Variants in FANCI observed in about 807,000 individuals in gnomAD.
FANCI encodes the protein Fanconi anemia group I protein.
In FANCI, 156 loss-of-function variants were observed where a neutral mutation model predicts 176.1. That is an observed-to-expected ratio of 0.89 (90% CI 0.78 to 1.01). The LOEUF is 1.01. Ranked by LOEUF, FANCI falls within the 50% of genes least tolerant of loss-of-function variation. The pLI is 0.00. For missense variants in FANCI, 1,678 were observed against 1,534.1 expected (o/e 1.09, Z -1.57); for synonymous variants, 613 against 541.7 (o/e 1.13, Z -1.83).
chr15:89,279,854 C>T (rs957497903), intron 14 of FANCI, among the ~76,000 whole-genome samples: 1 of 152,130 alleles, frequency 6.6e-6, no homozygotes, highest in African/African-American at 2.4e-5. Context: ...AATTCCTATT[C>T]TTACTACCTT....
intron 34 of FANCI, among the ~76,000 whole-genome samples, chr15:89,310,518 C>G (rs1212738534): frequency 1.3e-5 from 2 of 152,208 alleles, no homozygotes; most frequent in Non-Finnish European, 2.9e-5. Flanking sequence ...GCATTTTCCT[C>G]CTCCTCCATC....
chr15:89,293,170 C>T, intron 22 of FANCI, 107 bp downstream of exon 22: 1 of 1,227,508 alleles, frequency 8.1e-7, no homozygotes, highest in Non-Finnish European at 1.2e-6. Flanking sequence ...CAGACGATGA[C>T]ACTGTCTCTT....
At chr15:89,252,939 A>G (rs749414678) in intron 2 of FANCI, among the ~76,000 whole-genome samples, 3 of 152,238 alleles carry the variant, frequency 2.0e-5, no homozygotes, top group Non-Finnish European at 4.4e-5. Context: ...TGAGCTATAT[A>G]TATAAGTTGA....
intron 32 of FANCI, 125 bp from the exon 33 acceptor site, chr15:89,307,351 C>A: frequency 1.1e-6 from 1 of 897,384 alleles, no homozygotes; most frequent in Non-Finnish European, 1.8e-6. Context: ...TGTGTCTTGG[C>A]TTCTCTGTGA....
In FANCI at chr15:89,304,556, A is replaced by C. The variant is rs1222369815; in HGVS notation, c.3059-559A>C. 4.6e-5 allele frequency among the ~76,000 whole-genome samples: 7 copies of C among 152,190 alleles called. No individual in the cohort carries two copies. In the East Asian group the frequency reaches 1.3e-3, roughly 29 times the overall value. Reference sequence around the variant, plus strand: ...AATACTCGTAATGTACTTGATCTGGATGCTAGTTACACAGTAATCTTAACT... The same window carrying C: ...AATACTCGTAATGTACTTGATCTGGCTGCTAGTTACACAGTAATCTTAACT... On this transcript the variant is annotated intron_variant, in intron 28 of 37. Transcript: ENST00000310775.
At chr15:89,253,731 T>C (rs1192600813) in intron 2 of FANCI, among the ~76,000 whole-genome samples, 1 of 133,776 alleles carries the variant, frequency 7.5e-6, no homozygotes, top group East Asian at 2.5e-4. Flanking sequence ...TGGGAAAAAA[T>C]ATTTGTAACG....
chr15:89,284,098 T>C (rs1489713024), intron 17 of FANCI, among the ~76,000 whole-genome samples: 4 of 152,130 alleles, frequency 2.6e-5, no homozygotes, highest in Admixed American at 6.5e-5. Context: ...GTGCTAGATA[T>C]TGTGCCAAAA....
chr15:89,258,923 C>T (rs2052606926), intron 3 of FANCI, 147 bp downstream of exon 3: 1 of 688,108 alleles, frequency 1.5e-6, no homozygotes, highest in South Asian at 1.5e-5. Flanking sequence ...GCAGCAGTTT[C>T]CTGTCTAGTG....
At chr15:89,246,265 A>G (rs1357181180) in intron 1 of FANCI, among the ~76,000 whole-genome samples, 1 of 152,144 alleles carries the variant, frequency 6.6e-6, no homozygotes, top group African/African-American at 2.4e-5. Context: ...CCACCCTAGT[A>G]CAGGTCTTTA....
At chr15:89,278,508 C>G (rs1477386863) in intron 13 of FANCI, among the ~76,000 whole-genome samples, 179 bp from the exon 14 acceptor site, 4 of 152,206 alleles carry the variant, frequency 2.6e-5, no homozygotes, top group Admixed American at 2.0e-4. Context: ...AATGAATCAT[C>G]TAAGCACAGA....
intron 2 of FANCI, among the ~76,000 whole-genome samples, chr15:89,250,632 C>T (rs1004833105): frequency 6.6e-6 from 1 of 151,602 alleles, no homozygotes; most frequent in African/African-American, 2.4e-5. Context: ...CAACATGGCA[C>T]ATGTACGCAT....
chr15:89,283,285 G>A lies in FANCI; in HGVS notation c.1698+35G>A, dbSNP rs372040058. 335 of 1,612,822 alleles carry A rather than the reference G, an allele frequency of 2.1e-4. 2 individuals are homozygous for A. In the African/African-American group the frequency reaches 2.2e-3, roughly 11 times the overall value. On this transcript the variant is annotated intron_variant, in intron 17 of 37. Transcript: ENST00000310775. ...ATTTACGTTAACTTGCAGTGTGTGCGTATCATTCATGTGCATCGATGAAAT... is the reference window on the plus strand; with the variant it reads ...ATTTACGTTAACTTGCAGTGTGTGCATATCATTCATGTGCATCGATGAAAT...
At chr15:89,266,520 G>A (rs1307320101) in intron 9 of FANCI, among the ~76,000 whole-genome samples, 3 of 151,890 alleles carry the variant, frequency 2.0e-5, no homozygotes, top group African/African-American at 4.8e-5. Context: ...GTAGAGACGG[G>A]CTTTCACCAT....
chr15:89,248,051 C>T (rs917628732), intron 2 of FANCI, among the ~76,000 whole-genome samples: 2 of 152,134 alleles, frequency 1.3e-5, no homozygotes, highest in African/African-American at 4.8e-5. Flanking sequence ...TGATAATATC[C>T]AGACTATAGT....
At chr15:89,288,325 C>T (rs909752506) in intron 18 of FANCI, among the ~76,000 whole-genome samples, 1 of 151,910 alleles carries the variant, frequency 6.6e-6, no homozygotes, top group African/African-American at 2.4e-5. Context: ...CCTTGATATG[C>T]CCCTTCCCCC....
intron 3 of FANCI, among the ~76,000 whole-genome samples, chr15:89,260,365 A>G: frequency 6.6e-6 from 1 of 152,228 alleles, no homozygotes. Flanking sequence ...TCAGCTTGCT[A>G]AATGTTTTGA....
intron 34 of FANCI, among the ~76,000 whole-genome samples, chr15:89,310,532 AT>A (rs1219994807): frequency 1.3e-5 from 2 of 152,094 alleles, no homozygotes; most frequent in African/African-American, 4.8e-5. Context: ...CTCCATCCAT[AT>A]TTGACTTAAA....
chr15:89,260,585 A>G, intron 3 of FANCI, 128 bp from the exon 4 acceptor site: 1 of 1,235,672 alleles, frequency 8.1e-7, no homozygotes, highest in African/African-American at 1.5e-5. Flanking sequence ...TTGCTGTTCT[A>G]AGCACCGTAG....
At position 89,316,954 on chromosome 15, in the gene FANCI, C is replaced by T. The variant is rs993485868; in HGVS notation, c.*495C>T. The T allele has an allele frequency of 2.1e-5, 16 of 748,320 alleles. No individual in the cohort carries two copies. The highest frequency in any genetic ancestry group is 1.2e-4 in the African/African-American group (7 of 58,114). The allele number at this position is 748,320 out of a possible 1,614,324, so 46.4% of individuals were successfully genotyped here. On this transcript the variant is annotated 3_prime_UTR_variant, in exon 38 of 38. Transcript: ENST00000310775. ...AAAGGTTGAGAACAATTGCCACGAA[C>T]GGTAATGTTACATGTTAGGAGGGTC...
Sources: allele counts gnomAD v4.1 joint callset (sites outside exome capture counted in the v4.1 genomes callset), GRCh38; gene constraint gnomAD v4.1.1; transcripts MANE v1.5; gene names NCBI Gene and HGNC (gene_info 2026-07-23, HGNC 2026-07-21).